FOXJ3: variants seen among roughly 807,000 people sequenced by gnomAD.
The protein encoded by FOXJ3 is forkhead box J3, also known as forkhead box protein J3.
FOXJ3 carries 22 observed loss-of-function variants against 76.1 expected under a neutral mutation model. That is an observed-to-expected ratio of 0.29 (90% confidence interval 0.21 to 0.41). FOXJ3 has a LOEUF of 0.41. Ranked by LOEUF, FOXJ3 falls within the 10% of genes least tolerant of loss-of-function variation. The pLI is 1.00. For missense variants in FOXJ3, 613 were observed against 762.1 expected, an observed-to-expected ratio of 0.80 and a Z score of 2.30; for synonymous variants, 269 against 261.2, an observed-to-expected ratio of 1.03 and a Z score of -0.29.
chr1:42,270,910 T>C (rs935548257), intron 3 of FOXJ3, among the ~76,000 whole-genome samples: 10 of 152,192 alleles, frequency 6.6e-5, no homozygotes, highest in African/African-American at 2.2e-4. Context: ...AACTGCTACA[T>C]TCTTATCCAT....
At chr1:42,210,296 C>T (rs943698435) in intron 5 of FOXJ3, among the ~76,000 whole-genome samples, 6 of 152,176 alleles carry the variant, frequency 3.9e-5, no homozygotes, top group African/African-American at 1.4e-4. Context: ...CGGCCCCCAT[C>T]TGGCTTTGTC....
intron 5 of FOXJ3, 22 bp from the exon 6 acceptor site, chr1:42,205,885 AATAATTATTAGCTC>A (rs771725044): frequency 2.9e-6 from 4 of 1,382,788 alleles, no homozygotes; most frequent in African/African-American, 1.4e-5. Context: ...GAACAAAATA[AATAATTATTAGCTC>A]ATATATCCAG....
chr1:42,211,711 G>A (rs960050142), intron 5 of FOXJ3, among the ~76,000 whole-genome samples: 20 of 152,152 alleles, frequency 1.3e-4, no homozygotes, highest in Non-Finnish European at 2.4e-4. Context: ...AGCTCCACTG[G>A]AGATAGTGAG....
At chr1:42,288,596 A>G (rs934939446) in intron 2 of FOXJ3, among the ~76,000 whole-genome samples, 4 of 152,214 alleles carry the variant, frequency 2.6e-5, no homozygotes, top group Admixed American at 6.5e-5. Context: ...TTAAGCTGCT[A>G]TATGTGGTGT....
At chr1:42,277,319 AG>A (rs1652340073) in intron 3 of FOXJ3, among the ~76,000 whole-genome samples, 2 of 151,220 alleles carry the variant, frequency 1.3e-5, no homozygotes, top group Non-Finnish European at 2.9e-5. Context: ...TGGCGTGCTC[AG>A]GCACTCGACC....
intron 4 of FOXJ3, among the ~76,000 whole-genome samples, chr1:42,237,926 A>G (rs1648824636): frequency 6.6e-6 from 1 of 151,946 alleles, no homozygotes; most frequent in Admixed American, 6.5e-5. Flanking sequence ...ACACACACAC[A>G]CACACACACA....
At chr1:42,330,945 G>C (rs549106655) in intron 1 of FOXJ3, among the ~76,000 whole-genome samples, 187 of 152,254 alleles carry the variant, frequency 1.2e-3, no homozygotes, top group African/African-American at 3.9e-3. Context: ...AACACTATAT[G>C]AATGTTCAAG....
intron 4 of FOXJ3, among the ~76,000 whole-genome samples, chr1:42,259,862 G>A (rs922253955): frequency 2.6e-5 from 4 of 152,016 alleles, no homozygotes; most frequent in African/African-American, 9.7e-5. Flanking sequence ...CCTTCAACTC[G>A]AGTTCTTATC....
Position 42,178,547 on chromosome 1 carries a change from G to A in FOXJ3, c.*1163C>T, listed in dbSNP as rs1303197700. On this transcript the variant is annotated 3_prime_UTR_variant, in exon 13 of 13. Transcript: ENST00000361346. ...TGTCTGTAATCCCAGCACTCTAGGA[G>A]GCTGAGGCAGGCAGACTGCCTGAGC... The A allele has an allele frequency of 6.6e-6, 1 of 152,250 alleles. No homozygotes were observed. Among genetic ancestry groups the A allele is most frequent in the East Asian group, 1.9e-4 (1 of 5,200 alleles). The allele number at this position is 152,250 out of a possible 1,614,324, so 9.4% of individuals were successfully genotyped here. A position where few individuals can be genotyped will look rare whatever the true frequency, so the allele number is the denominator to read the frequency against.
chr1:42,191,148 T>A (rs16829212), intron 9 of FOXJ3, among the ~76,000 whole-genome samples, 155 bp downstream of exon 9: 67,760 of 151,790 alleles, frequency 0.45, 17,372 homozygotes, highest in Non-Finnish European at 0.56. Flanking sequence ...AGTCGCCAGG[T>A]CAGTCTATGA....
chr1:42,319,366 C>A (rs1655303689), intron 1 of FOXJ3, among the ~76,000 whole-genome samples: 1 of 152,122 alleles, frequency 6.6e-6, no homozygotes, highest in Non-Finnish European at 1.5e-5. Context: ...TAACCCTTAA[C>A]AACATTATGC....
chr1:42,331,660 G>A (rs1372027732), intron 1 of FOXJ3, among the ~76,000 whole-genome samples: 1 of 152,044 alleles, frequency 6.6e-6, no homozygotes, highest in Non-Finnish European at 1.5e-5. Flanking sequence ...GGAGGTGAGG[G>A]TACGGGGAGT....
chr1:42,332,883 TTGTACTG>T (rs1425870102), intron 1 of FOXJ3, among the ~76,000 whole-genome samples: 1 of 152,194 alleles, frequency 6.6e-6, no homozygotes, highest in African/African-American at 2.4e-5. Context: ...TTGACCTTGG[TTGTACTG>T]TTATCCCAAG....
At chr1:42,316,819 C>T (rs182150909) in intron 1 of FOXJ3, among the ~76,000 whole-genome samples, 60 of 152,190 alleles carry the variant, frequency 3.9e-4, no homozygotes, top group Non-Finnish European at 1.5e-5. Flanking sequence ...GGGAGCTAAG[C>T]TATGAGGATG....
At chr1:42,251,924 A>C (rs1650112802) in intron 4 of FOXJ3, among the ~76,000 whole-genome samples, 1 of 151,682 alleles carries the variant, frequency 6.6e-6, no homozygotes, top group Non-Finnish European at 1.5e-5. Context: ...TCACCGTGTT[A>C]GCCAGGATGG....
chr1:42,286,372 G>A (rs1054185515), intron 2 of FOXJ3, among the ~76,000 whole-genome samples: 2 of 152,148 alleles, frequency 1.3e-5, no homozygotes, highest in African/African-American at 2.4e-5. Context: ...TAAGAATAGA[G>A]GCTCTGGAGC....
At chr1:42,261,406 T>G (rs1651028474) in intron 4 of FOXJ3, among the ~76,000 whole-genome samples, 2 of 151,796 alleles carry the variant, frequency 1.3e-5, no homozygotes, top group African/African-American at 4.8e-5. Context: ...TGTGTGTGTG[T>G]TTTTTTTAAT....
chr1:42,272,051 C>T (rs572877687), intron 3 of FOXJ3, among the ~76,000 whole-genome samples: 28 of 152,314 alleles, frequency 1.8e-4, no homozygotes, highest in African/African-American at 6.5e-4. Context: ...CCCTTCAAGG[C>T]CCTGACACAA....
chr1:42,182,122 T>C (rs1299994030), intron 11 of FOXJ3, 98 bp from the exon 12 acceptor site: 2 of 665,300 alleles, frequency 3.0e-6, no homozygotes, highest in East Asian at 2.9e-5. Flanking sequence ...TGAAAGTAAA[T>C]TAAGCAGGTA....
Sources: allele counts gnomAD v4.1 joint callset (sites outside exome capture counted in the v4.1 genomes callset), GRCh38; gene constraint gnomAD v4.1.1; transcripts MANE v1.5; gene names NCBI Gene and HGNC (gene_info 2026-07-23, HGNC 2026-07-21).